Variants in DAB1 observed in about 807,000 individuals in gnomAD.
DAB1 encodes the protein DAB adaptor protein 1, also known as disabled homolog 1.
A neutral mutation model predicts 64.6 loss-of-function variants in DAB1; 15 were observed. That is an observed-to-expected ratio of 0.23 (90% CI 0.16 to 0.36). The LOEUF (loss-of-function observed/expected upper bound fraction) is 0.36. Ranked by LOEUF, DAB1 falls within the 10% of genes least tolerant of loss-of-function variation. The pLI is 1.00. For missense variants in DAB1, 596 were observed against 706.7 expected, an observed-to-expected ratio of 0.84 and a Z score of 1.78; for synonymous variants, 235 against 251.9, an observed-to-expected ratio of 0.93 and a Z score of 0.64.
chr1:57,813,946 C>T (rs1004596684), intron 6 of DAB1, among the ~76,000 whole-genome samples: 7 of 152,204 alleles, frequency 4.6e-5, no homozygotes, highest in Non-Finnish European at 8.8e-5. Context: ...TATTTTTGTC[C>T]TTTTCACTCT....
At chr1:57,276,987 G>T (rs1395294403) in intron 2 of DAB1, among the ~76,000 whole-genome samples, 1 of 152,156 alleles carries the variant, frequency 6.6e-6, no homozygotes, top group Non-Finnish European at 1.5e-5. Context: ...GAAAAGAAAA[G>T]AAGGGAAGAA....
intron 7 of DAB1, among the ~76,000 whole-genome samples, chr1:57,627,202 C>T (rs1236263140): frequency 6.6e-6 from 1 of 152,162 alleles, no homozygotes; most frequent in Non-Finnish European, 1.5e-5. Context: ...GGTTCTCACA[C>T]CTTTGGACCC....
At chr1:57,492,831 T>G (rs1328556720) in intron 7 of DAB1, among the ~76,000 whole-genome samples, 1 of 152,214 alleles carries the variant, frequency 6.6e-6, no homozygotes, top group Non-Finnish European at 1.5e-5. Flanking sequence ...TAAGCCTCTG[T>G]GTTTCTGCAC....
intron 5 of DAB1, among the ~76,000 whole-genome samples, chr1:58,047,379 G>A (rs1647306174): frequency 6.6e-6 from 1 of 152,230 alleles, no homozygotes; most frequent in Non-Finnish European, 1.5e-5. Flanking sequence ...ATAGCCACGT[G>A]TGGTTGGACA....
At position 57,985,181 on chromosome 1, in the gene DAB1, C is replaced by A. The variant is rs191342665; in HGVS notation, n.388-101019G>T. Among the ~76,000 whole-genome samples the A allele has an allele frequency of 9.1e-4, 139 of 152,210 alleles. 1 individual carries two copies. The highest frequency in any genetic ancestry group is 1.0e-3 in the Non-Finnish European group (71 of 68,010). On this transcript the variant is annotated intron_variant and non_coding_transcript_variant, in intron 5 of 20. Transcript: ENST00000485760. ...CCTTGGCCTCCCAAAGTGCTGGGGT[C>A]GCAGGTGTGAGCCACCACACCCGGC...
At chr1:57,730,130 G>A (rs991674206) in intron 6 of DAB1, among the ~76,000 whole-genome samples, 1 of 152,230 alleles carries the variant, frequency 6.6e-6, no homozygotes, top group Non-Finnish European at 1.5e-5. Context: ...CCTACTGGGT[G>A]TAAGTCAGTG....
At chr1:57,068,560 A>AT (rs1035185079) in intron 8 of DAB1, among the ~76,000 whole-genome samples, 2 of 152,128 alleles carry the variant, frequency 1.3e-5, no homozygotes, top group African/African-American at 2.4e-5. Flanking sequence ...AATACATCAA[A>AT]TTTTTTTTCT....
At position 58,345,242 on chromosome 1, in the gene DAB1, A is replaced by AC. The variant is rs531945120; in HGVS notation, n.258-1840dup. 7.3e-4 allele frequency among the ~76,000 whole-genome samples: 111 copies of AC among 152,126 alleles called. No individual in the cohort carries two copies. In the Middle Eastern group the frequency reaches 0.014, roughly 19 times the overall value. ...TCTCATTTCGCCACTTCTTGGAACAACCCATTTCCCAGCTGAATCAAAATC... is the reference window on the plus strand; with the variant it reads ...TCTCATTTCGCCACTTCTTGGAACAACCCCATTTCCCAGCTGAATCAAAATC... On this transcript the variant is annotated intron_variant and non_coding_transcript_variant, in intron 3 of 20. Coordinates refer to the DAB1 transcript ENST00000485760.
At chr1:57,446,356 G>C (rs536048631) in intron 7 of DAB1, among the ~76,000 whole-genome samples, 1 of 152,162 alleles carries the variant, frequency 6.6e-6, no homozygotes, top group South Asian at 2.1e-4. Context: ...CCAGCACTTT[G>C]GGAGGCTGAG....
intron 9 of DAB1, chr1:57,033,389 C>A: frequency 6.2e-7 from 1 of 1,612,876 alleles, no homozygotes; most frequent in South Asian, 1.1e-5. Flanking sequence ...GCCTTACCTT[C>A]GTTGCCTCAA....
chr1:58,400,469 C>A (rs1644559329), intron 3 of DAB1, among the ~76,000 whole-genome samples: 1 of 152,154 alleles, frequency 6.6e-6, no homozygotes, highest in Non-Finnish European at 1.5e-5. Context: ...TTGGGCAGGA[C>A]AGACACCCCG....
chr1:58,475,354 G>T (rs771585321), intron 3 of DAB1, among the ~76,000 whole-genome samples: 2 of 152,028 alleles, frequency 1.3e-5, no homozygotes, highest in Non-Finnish European at 2.9e-5. Context: ...TAGAGACAAG[G>T]TTTCACCATG....
At chr1:57,737,869 A>G (rs565656614) in intron 6 of DAB1, among the ~76,000 whole-genome samples, 80 of 152,302 alleles carry the variant, frequency 5.3e-4, no homozygotes, top group African/African-American at 1.8e-3. Context: ...GTTTCTGTCA[A>G]TTACAAACAT....
intron 7 of DAB1, among the ~76,000 whole-genome samples, chr1:57,565,841 C>T (rs1645113546): frequency 6.6e-6 from 1 of 152,002 alleles, no homozygotes; most frequent in Non-Finnish European, 1.5e-5. Context: ...ACTTTAACAC[C>T]CCACTGTCAA....
intron 7 of DAB1, among the ~76,000 whole-genome samples, chr1:57,608,392 AAAAGAGAG>A (rs1645686150): frequency 6.6e-6 from 1 of 151,254 alleles, no homozygotes; most frequent in South Asian, 2.1e-4. Flanking sequence ...AGATATTAAA[AAAAGAGAG>A]AGAGAGAGAG....
chr1:57,938,602 C>G (rs1356919650), intron 5 of DAB1, among the ~76,000 whole-genome samples: 5 of 152,164 alleles, frequency 3.3e-5, no homozygotes, highest in Non-Finnish European at 7.3e-5. Context: ...TTGTAAGTTT[C>G]CTGAGGCCTC....
intron 4 of DAB1, among the ~76,000 whole-genome samples, chr1:58,218,423 C>T (rs945569599): frequency 2.0e-5 from 3 of 152,160 alleles, no homozygotes; most frequent in African/African-American, 4.8e-5. Flanking sequence ...CTTTGGGGAG[C>T]AGAAAGTTTC....
intron 7 of DAB1, among the ~76,000 whole-genome samples, chr1:57,572,065 G>A (rs914436752): frequency 2.6e-5 from 4 of 152,186 alleles, no homozygotes; most frequent in Admixed American, 2.6e-4. Context: ...GCTGCGAGTG[G>A]CACTAGCAGT....
chr1:58,433,596 AGT>A lies in DAB1; in HGVS notation n.257+72462_257+72463del, dbSNP rs71580866. On this transcript the variant is annotated intron_variant and non_coding_transcript_variant, in intron 3 of 20. Transcript: ENST00000485760. ...GAGAGAGAGAGAGAGAGAGAGAGAG[AGT>A]GTGTGTGTGTGTGTGTGTGTGTTTG... 8.2e-3 allele frequency among the ~76,000 whole-genome samples: 653 copies of A among 79,752 alleles called. 6 individuals carry two copies. The highest frequency in any genetic ancestry group is 0.049 in the South Asian group (98 of 1,998). The allele number at this position is 79,752 out of a possible 152,430, so 52.3% of individuals were successfully genotyped here. A position where few individuals can be genotyped will look rare whatever the true frequency, so the allele number is the denominator to read the frequency against.
Sources: gnomAD v4.1 joint callset for allele counts (sites outside exome capture counted in the v4.1 genomes callset) on GRCh38, gnomAD v4.1.1 for gene constraint, MANE v1.5 for transcripts, NCBI Gene and HGNC (gene_info 2026-07-23, HGNC 2026-07-21) for gene names.